HIBADH: variants seen among roughly 807,000 people sequenced by gnomAD.
HIBADH encodes 3-hydroxyisobutyrate dehydrogenase.
A neutral mutation model predicts 36.1 loss-of-function variants in HIBADH; 25 were observed. That is an observed-to-expected ratio of 0.69 (90% CI 0.50 to 0.97). The LOEUF is 0.97. HIBADH is among the 50% of genes least tolerant of loss of function. HIBADH has a pLI of 0.00. For synonymous variants in HIBADH, 160 were observed against 149.5 expected, an observed-to-expected ratio of 1.07 and a Z score of -0.51; for missense variants, 421 against 418.0, an observed-to-expected ratio of 1.01 and a Z score of -0.06.
At chr7:27,611,699 A>ATAAACAAAGGCATGGTAT (rs1785325065) in intron 4 of HIBADH, among the ~76,000 whole-genome samples, 2 of 152,206 alleles carry the variant, frequency 1.3e-5, no homozygotes, top group South Asian at 4.1e-4. Flanking sequence ...CAACAAACTA[A>ATAAACAAAGGCATGGTAT]TAAACAAAGG....
chr7:27,548,242 C>A (rs1562617378), intron 4 of HIBADH, among the ~76,000 whole-genome samples: 1 of 150,992 alleles, frequency 6.6e-6, no homozygotes, highest in African/African-American at 2.4e-5. Context: ...GCTAAACTGC[C>A]TTCTTTCTTC....
intron 4 of HIBADH, among the ~76,000 whole-genome samples, chr7:27,568,905 C>T (rs1157023286): frequency 6.9e-6 from 1 of 144,688 alleles, no homozygotes. Flanking sequence ...TTTCAGCCAC[C>T]TTTTTTTTTT....
chr7:27,550,053 G>A (rs1208842321), intron 4 of HIBADH, among the ~76,000 whole-genome samples: 3 of 152,096 alleles, frequency 2.0e-5, no homozygotes, highest in South Asian at 2.1e-4. Flanking sequence ...GACTATGGGC[G>A]CGTGCCACCA....
intron 2 of HIBADH, among the ~76,000 whole-genome samples, chr7:27,646,782 G>A (rs896833808): frequency 3.8e-5 from 5 of 132,036 alleles, no homozygotes; most frequent in African/African-American, 8.7e-5. Context: ...TGCAACCTCC[G>A]CCTCCTGGAC....
intron 4 of HIBADH, among the ~76,000 whole-genome samples, chr7:27,613,117 AATATATTTAT>A (rs1785354601): frequency 1.7e-5 from 2 of 117,114 alleles, no homozygotes; most frequent in East Asian, 2.2e-4. Context: ...TATTCATATA[AATATATTTAT>A]ATATATTTAT....
At chr7:27,616,907 C>T (rs1035214030) in intron 4 of HIBADH, among the ~76,000 whole-genome samples, 4 of 151,982 alleles carry the variant, frequency 2.6e-5, no homozygotes, top group African/African-American at 9.7e-5. Flanking sequence ...AGTATTATTA[C>T]AAGAGTCAGA....
intron 4 of HIBADH, among the ~76,000 whole-genome samples, chr7:27,578,353 T>C (rs1172686848): frequency 6.6e-6 from 1 of 152,190 alleles, no homozygotes; most frequent in Non-Finnish European, 1.5e-5. Context: ...TTTCGCTTTG[T>C]TGCGCAAGCT....
At chr7:27,553,659 T>G (rs1417542656) in intron 4 of HIBADH, among the ~76,000 whole-genome samples, 1 of 152,126 alleles carries the variant, frequency 6.6e-6, no homozygotes, top group Non-Finnish European at 1.5e-5. Context: ...AAAAATCACT[T>G]TAAAAAGCAA....
At chr7:27,642,125 A>G (rs1196411721) in intron 2 of HIBADH, among the ~76,000 whole-genome samples, 2 of 152,170 alleles carry the variant, frequency 1.3e-5, no homozygotes, top group African/African-American at 4.8e-5. Flanking sequence ...CTTCACACCC[A>G]GTGACATATT....
At chr7:27,627,513 T>C (rs1785670149) in intron 4 of HIBADH, among the ~76,000 whole-genome samples, 1 of 152,224 alleles carries the variant, frequency 6.6e-6, no homozygotes, top group African/African-American at 2.4e-5. Context: ...GTCTGCATAC[T>C]GGTCTGTTAT....
chr7:27,539,749 T>A (rs965936221), intron 5 of HIBADH, among the ~76,000 whole-genome samples: 1 of 152,110 alleles, frequency 6.6e-6, no homozygotes, highest in Non-Finnish European at 1.5e-5. Context: ...ACTTAACTAC[T>A]AATAGCCCAC....
rs115309663 is a variant in HIBADH, at chr7:27,597,397, G to T, written c.484+31974C>A. On this transcript the variant is annotated intron_variant, in intron 4 of 7. Coordinates refer to ENST00000265395, the MANE Select transcript of HIBADH (RefSeq NM_152740.4). ...AGAGGGAAGGCCAGGGGAAAACGAT[G>T]ATTATTATTGGGTACCAAAGTGTAG... Among the ~76,000 whole-genome samples, 1,126 of 151,900 alleles carry T rather than the reference G, an allele frequency of 7.4e-3. 16 individuals are homozygous for T. The highest frequency in any genetic ancestry group is 0.026 in the African/African-American group (1,065 of 41,430).
At chr7:27,609,222 C>T (rs1785283138) in intron 4 of HIBADH, among the ~76,000 whole-genome samples, 1 of 152,158 alleles carries the variant, frequency 6.6e-6, no homozygotes. Context: ...CTGGAGCTGC[C>T]TCAACCATGT....
At chr7:27,639,917 C>A (rs982696197) in intron 2 of HIBADH, among the ~76,000 whole-genome samples, 10 of 151,990 alleles carry the variant, frequency 6.6e-5, no homozygotes, top group African/African-American at 2.4e-4. Context: ...TAATAATCCA[C>A]GTACAGTCAA....
At chr7:27,623,470 T>C (rs1240987106) in intron 4 of HIBADH, among the ~76,000 whole-genome samples, 1 of 152,158 alleles carries the variant, frequency 6.6e-6, no homozygotes, top group Admixed American at 6.5e-5. Context: ...ACTGTCCCTT[T>C]TTGCTGATGA....
At chr7:27,541,186 A>C (rs1784145833) in intron 5 of HIBADH, among the ~76,000 whole-genome samples, 1 of 149,052 alleles carries the variant, frequency 6.7e-6, no homozygotes, top group Admixed American at 6.7e-5. Flanking sequence ...TTAAAAACTC[A>C]TTCAGGCAGA....
chr7:27,656,111 T>C (rs1786299598), intron 1 of HIBADH, among the ~76,000 whole-genome samples: 1 of 152,176 alleles, frequency 6.6e-6, no homozygotes, highest in Non-Finnish European at 1.5e-5. Flanking sequence ...TTGTGAGCCA[T>C]TGTGAAATGG....
At chr7:27,620,950 T>A (rs1169713464) in intron 4 of HIBADH, among the ~76,000 whole-genome samples, 2 of 145,852 alleles carry the variant, frequency 1.4e-5, no homozygotes, top group Non-Finnish European at 3.0e-5. Flanking sequence ...TGAATGGATT[T>A]AAAAAAAAAA....
rs1783911173 is a variant in HIBADH, at chr7:27,526,930, GA to G, written c.853-559del. On this transcript the variant is annotated intron_variant, in intron 7 of 7. Transcript: ENST00000265395. ...GAGGAGTACTATCATGGGATCCAAGGAAGCAGGGTCTGGGGTGCTGGGAAAG... is the reference window on the plus strand; with the variant it reads ...GAGGAGTACTATCATGGGATCCAAGGAGCAGGGTCTGGGGTGCTGGGAAAG... Among the ~76,000 whole-genome samples the G allele has an allele frequency of 2.0e-5, 3 of 152,236 alleles. 1 individual carries two copies. In the Middle Eastern group the frequency reaches 0.01, roughly 518 times the overall value.
Sources: gnomAD v4.1 joint callset for allele counts (sites outside exome capture counted in the v4.1 genomes callset) on GRCh38, gnomAD v4.1.1 for gene constraint, MANE v1.5 for transcripts, NCBI Gene and HGNC (gene_info 2026-07-23, HGNC 2026-07-21) for gene names.